Variants in ADRA1A observed in about 807,000 individuals in gnomAD.
The protein encoded by ADRA1A is adrenoceptor alpha 1A.
A neutral mutation model predicts 29.6 loss-of-function variants in ADRA1A; 31 were observed. That is an observed-to-expected ratio of 1.05 (90% CI 0.79 to 1.41). ADRA1A has a LOEUF of 1.41. Among genes scored for constraint, ADRA1A ranks in the 40% most tolerant of loss-of-function variants. The pLI, the probability that ADRA1A is intolerant of heterozygous loss-of-function variation, is 0.00. For synonymous variants in ADRA1A, 311 were observed against 254.3 expected, an observed-to-expected ratio of 1.22 and a Z score of -2.12; for missense variants, 619 against 601.1, an observed-to-expected ratio of 1.03 and a Z score of -0.31.
In ADRA1A at chr8:26,820,631, ACAAATCCATGTATTTGTGGG is replaced by A. The variant is rs1232453213; in HGVS notation, c.883+43436_883+43455del. Among the ~76,000 whole-genome samples the A allele has an allele frequency of 1.6e-4, 24 of 152,214 alleles. 1 individual carries two copies. In the East Asian group the frequency reaches 4.6e-3, roughly 29 times the overall value. On this transcript the variant is annotated intron_variant, in intron 2 of 2. Transcript: ENST00000380573. ...TTTGCACCTTACACTTTCTCACCTT[ACAAATCCATGTATTTGTGGG>A]CACATGCACCATATGCCCACATGCC...
intron 2 of ADRA1A, chr8:26,835,734 T>A (rs1245167686): frequency 6.6e-6 from 1 of 152,176 alleles, no homozygotes; most frequent in East Asian, 1.9e-4. Flanking sequence ...GGAAATGCAA[T>A]TCCTCATAGA....
intron 2 of ADRA1A, among the ~76,000 whole-genome samples, chr8:26,837,785 A>T (rs1038521100): frequency 2.6e-5 from 4 of 151,534 alleles, no homozygotes; most frequent in Admixed American, 6.6e-5. Flanking sequence ...GGCTATTCTG[A>T]CACACACCTG....
At chr8:26,809,212 G>T (rs1208958263) in intron 2 of ADRA1A, among the ~76,000 whole-genome samples, 1 of 152,014 alleles carries the variant, frequency 6.6e-6, no homozygotes, top group Non-Finnish European at 1.5e-5. Context: ...TTGAACTATT[G>T]TCCAGATATA....
intron 2 of ADRA1A, among the ~76,000 whole-genome samples, chr8:26,810,668 A>T (rs1809315774): frequency 6.6e-6 from 1 of 152,184 alleles, no homozygotes; most frequent in African/African-American, 2.4e-5. Flanking sequence ...GAGCTGGCAC[A>T]GGACTTTAGA....
chr8:26,766,053 A>G, downstream of ADRA1A: 9 of 1,613,726 alleles, frequency 5.6e-6, no homozygotes, highest in Non-Finnish European at 7.6e-6. Flanking sequence ...CCTGGAGATC[A>G]GCATTCTGAA....
At chr8:26,818,146 C>G (rs962032862) in intron 2 of ADRA1A, among the ~76,000 whole-genome samples, 3 of 152,188 alleles carry the variant, frequency 2.0e-5, no homozygotes, top group Non-Finnish European at 4.4e-5. Context: ...AGAAAGAAAA[C>G]TCAGTGGTTG....
At chr8:26,778,878 G>A (rs901116750) in intron 2 of ADRA1A, among the ~76,000 whole-genome samples, 6 of 151,648 alleles carry the variant, frequency 4.0e-5, no homozygotes, top group African/African-American at 1.5e-4. Flanking sequence ...CACCAACATG[G>A]CACATGTATA....
chr8:26,801,609 T>A (rs553396895), intron 2 of ADRA1A, among the ~76,000 whole-genome samples: 4 of 152,106 alleles, frequency 2.6e-5, no homozygotes, highest in African/African-American at 9.6e-5. Flanking sequence ...ACGAAAGAAA[T>A]TGAAGAAGAC....
At chr8:26,755,947 T>G (rs1332571517), downstream of ADRA1A, among the ~76,000 whole-genome samples, 4 of 152,250 alleles carry the variant, frequency 2.6e-5, no homozygotes, top group African/African-American at 9.6e-5. Context: ...CTTTTACAAG[T>G]TAAATGTGCC....
chr8:26,756,709 C>T lies in ADRA1A; in HGVS notation c.*50G>A, dbSNP rs10111832. The T allele has an allele frequency of 1.4e-3, 2,310 of 1,614,036 alleles. 16 individuals are homozygous for T. Among genetic ancestry groups the T allele is most frequent in the African/African-American group, 0.014 (1,025 of 75,054 alleles). On this transcript the variant is annotated 3_prime_UTR_variant, in exon 3 of 3. Transcript: ENST00000380582. ...CGCAGGACCAGTGGTGGGTTTCATGCTCCCCTTCCTTGGGCAGTAAGGACA... is the reference window on the plus strand; with the variant it reads ...CGCAGGACCAGTGGTGGGTTTCATGTTCCCCTTCCTTGGGCAGTAAGGACA...
chr8:26,788,745 T>G (rs1424228507), intron 2 of ADRA1A, among the ~76,000 whole-genome samples: 1 of 152,122 alleles, frequency 6.6e-6, no homozygotes, highest in Non-Finnish European at 1.5e-5. Context: ...AAACCCATGC[T>G]TGCCTGGCTC....
chr8:26,853,033 G>GA (rs1563309081), intron 2 of ADRA1A, among the ~76,000 whole-genome samples: 3 of 151,932 alleles, frequency 2.0e-5, no homozygotes, highest in Non-Finnish European at 4.4e-5. Context: ...TCAAATCAAT[G>GA]TCAATGAAAA....
downstream of ADRA1A, among the ~76,000 whole-genome samples, chr8:26,762,369 G>C (rs1026518146): frequency 2.0e-5 from 3 of 152,150 alleles, no homozygotes; most frequent in Non-Finnish European, 4.4e-5. This position sits in a 1 kb window ranked among gnomAD's most constrained non-coding sequence, Gnocchi z 4.0. Flanking sequence ...TCCTGGCACT[G>C]TCTCCTGCCC....
intron 2 of ADRA1A, among the ~76,000 whole-genome samples, chr8:26,810,504 T>A (rs1428167470): frequency 1.3e-5 from 2 of 152,216 alleles, no homozygotes; most frequent in Non-Finnish European, 2.9e-5. Context: ...AAGGTAACAG[T>A]ATTTACGGGA....
In ADRA1A at chr8:26,864,320, C is replaced by G. The variant is rs760453930; in HGVS notation, c.650G>C (p.Gly217Ala). ...VYVVAKRESR[G>A]LKSGLKTDKS... ...GTCGGTCTTGAGGCCAGACTTGAGG[C>G]CCCGGCTCTCCCTCTTGGCCACCAC... The change falls in exon 2 of 3, where the codon GGC becomes GCC. Residue 217 changes from glycine (G) to alanine (A), a missense_variant. Physicochemically the swap from Gly to Ala is moderately conservative, Grantham distance 60. Coordinates refer to ENST00000380573, the MANE Select transcript of ADRA1A (RefSeq NM_000680.4). This position sits in a 1 kb window ranked among gnomAD's most constrained non-coding sequence, Gnocchi z 8.1. 3.8e-5 allele frequency: 62 copies of G among 1,613,944 alleles called. No individual in the cohort carries two copies. Among genetic ancestry groups the G allele is most frequent in the Non-Finnish European group, 5.2e-5 (61 of 1,180,016 alleles).
intron 2 of ADRA1A, among the ~76,000 whole-genome samples, chr8:26,749,064 A>G (rs1804811838): frequency 6.6e-6 from 1 of 152,248 alleles, no homozygotes; most frequent in Non-Finnish European, 1.5e-5. Flanking sequence ...CTCTGAAGGC[A>G]GTCTCAAAAC....
At chr8:26,765,971 G>A, downstream of ADRA1A, 2 of 922,162 alleles carry the variant, frequency 2.2e-6, no homozygotes, top group Non-Finnish European at 1.5e-6. Flanking sequence ...TTAGGAACAA[G>A]CGATGTCACA....
chr8:26,864,276 C>A lies in ADRA1A; in HGVS notation c.694G>T (p.Val232Leu), dbSNP rs757286802. The A allele has an allele frequency of 3.1e-6, 5 of 1,614,166 alleles. No homozygotes were observed. The highest frequency in any genetic ancestry group is 4.2e-6 in the Non-Finnish European group (5 of 1,180,036). The part of the protein sequence containing the change: ...LKTDKSDSEQ[V>L]TLRIHRKNAP... ...TTTTTCCGATGGATGCGGAGCGTCACTTGCTCCGAGTCCGACTTGTCGGTC... is the reference window on the plus strand; with the variant it reads ...TTTTTCCGATGGATGCGGAGCGTCAATTGCTCCGAGTCCGACTTGTCGGTC... Residue 232 changes from valine (V) to leucine (L), a missense_variant, in exon 2 of 3, where the codon GTG becomes TTG. Val to Leu is a conservative substitution (Grantham distance 32). Coordinates refer to ENST00000380573, the MANE Select transcript of ADRA1A (RefSeq NM_000680.4). The surrounding 1 kb of genome is among the most constrained non-coding windows in gnomAD (Gnocchi z 8.1).
intron 2 of ADRA1A, among the ~76,000 whole-genome samples, chr8:26,829,682 G>C (rs1360278794): frequency 2.0e-5 from 3 of 152,012 alleles, no homozygotes; most frequent in African/African-American, 7.3e-5. Context: ...TTCCACATCT[G>C]GAAACAAGGA....
Sources: allele counts gnomAD v4.1 joint callset (sites outside exome capture counted in the v4.1 genomes callset), GRCh38; gene constraint gnomAD v4.1.1; non-coding constraint Gnocchi (gnomAD v3.1); transcripts MANE v1.5; gene names NCBI Gene and HGNC (gene_info 2026-07-23, HGNC 2026-07-21).